HK1: variants seen among roughly 807,000 people sequenced by gnomAD.
HK1 encodes hexokinase 1, also known as hexokinase-1.
A neutral mutation model predicts 91.6 loss-of-function variants in HK1; 28 were observed. That is an observed-to-expected ratio of 0.31 (90% CI 0.23 to 0.42). The LOEUF is 0.42. Ranked by LOEUF, HK1 falls within the 10% of genes least tolerant of loss-of-function variation. The pLI is 1.00. For synonymous variants in HK1, 430 were observed against 468.1 expected, an observed-to-expected ratio of 0.92 and a Z score of 1.05; for missense variants, 770 against 1,219.8, an observed-to-expected ratio of 0.63 and a Z score of 5.49.
intron 4 of HK1, among the ~76,000 whole-genome samples, chr10:69,366,380 A>G (rs1753199965): frequency 6.6e-6 from 1 of 152,100 alleles, no homozygotes; most frequent in African/African-American, 2.4e-5. Flanking sequence ...CCTTTATGCC[A>G]TTAGGGTAAG....
intron 13 of HK1, among the ~76,000 whole-genome samples, chr10:69,388,198 G>T (rs1315163530): frequency 1.3e-5 from 2 of 152,098 alleles, no homozygotes; most frequent in Non-Finnish European, 2.9e-5. Context: ...GAGGAACTTT[G>T]GGAGGCCAAG....
intron 7 of HK1, among the ~76,000 whole-genome samples, chr10:69,376,340 G>T (rs1421403081): frequency 6.6e-6 from 1 of 152,012 alleles, no homozygotes; most frequent in Admixed American, 6.6e-5. Flanking sequence ...AGCATAAGGA[G>T]ACTCCCCCTC....
At chr10:69,398,104 C>A (rs1235773424) in intron 16 of HK1, among the ~76,000 whole-genome samples, 2 of 152,140 alleles carry the variant, frequency 1.3e-5, no homozygotes. Context: ...ATAAACAAAC[C>A]TTATCAAAAT....
Position 69,369,751 on chromosome 10 carries a change from T to G in HK1, c.875+127T>G, listed in dbSNP as rs1380918053. The G allele has an allele frequency of 1.0e-6, 1 of 969,642 alleles. No individual in the cohort carries two copies. Among genetic ancestry groups the G allele is most frequent in the Non-Finnish European group, 1.6e-6 (1 of 622,634 alleles). 60.1% of individuals were successfully genotyped at this position (969,642 alleles called of 1,614,324 possible). ...CAAACAGAAAAGCCTGTCACATTTT[T>G]TTTTTGAGGCGGAGTCTTGCTCTGT... On this transcript the variant is annotated intron_variant, in intron 7 of 17. Transcript: ENST00000359426. The surrounding 1 kb of genome is among the most constrained non-coding windows in gnomAD (Gnocchi z 4.4).
intron 1 of HK1, among the ~76,000 whole-genome samples, chr10:69,321,630 C>T (rs112657903): frequency 0.022 from 3,367 of 152,358 alleles, 60 homozygotes; most frequent in Non-Finnish European, 0.035. Context: ...AGAAGGGAAG[C>T]TGGGGACCAT....
intron 4 of HK1, among the ~76,000 whole-genome samples, chr10:69,365,606 A>G (rs1402686174): frequency 2.0e-5 from 3 of 152,140 alleles, no homozygotes; most frequent in Admixed American, 6.6e-5. Context: ...GGTTGGGTGC[A>G]GTGGTTCATG....
At chr10:69,291,340 T>G (rs1342576220) in intron 3 of HK1, among the ~76,000 whole-genome samples, 2 of 152,200 alleles carry the variant, frequency 1.3e-5, no homozygotes, top group Non-Finnish European at 2.9e-5. Flanking sequence ...CAGATGGAAA[T>G]CCAGCAGCTG....
intron 1 of HK1, among the ~76,000 whole-genome samples, chr10:69,342,020 C>G (rs536524475): frequency 6.6e-6 from 1 of 151,976 alleles, no homozygotes; most frequent in Non-Finnish European, 1.5e-5. Context: ...TGGTGGCGCA[C>G]GCCTGTAATC....
intron 4 of HK1, among the ~76,000 whole-genome samples, chr10:69,366,363 CT>C (rs945673239): frequency 6.6e-5 from 10 of 152,310 alleles, no homozygotes; most frequent in African/African-American, 2.4e-4. Context: ...GGGAGCACCC[CT>C]GGGTCCCTTT....
At chr10:69,321,500 G>T (rs180968746) in intron 1 of HK1, among the ~76,000 whole-genome samples, 1 of 152,324 alleles carries the variant, frequency 6.6e-6, no homozygotes, top group East Asian at 1.9e-4. Context: ...TTCCCCCCCA[G>T]CGTGGGCAGC....
At chr10:69,322,470 C>A (rs1233199432) in intron 1 of HK1, among the ~76,000 whole-genome samples, 2 of 152,202 alleles carry the variant, frequency 1.3e-5, no homozygotes, top group East Asian at 3.8e-4. Flanking sequence ...AATGGCCGAA[C>A]TCAGGAGTCC....
chr10:69,392,584 C>T (rs1005413336), intron 15 of HK1, among the ~76,000 whole-genome samples: 2 of 152,126 alleles, frequency 1.3e-5, no homozygotes, highest in African/African-American at 4.8e-5. Context: ...CCTTCCGGTC[C>T]CCTTGCTGTG....
At chr10:69,326,567 G>C (rs920757833) in intron 1 of HK1, among the ~76,000 whole-genome samples, 2 of 152,170 alleles carry the variant, frequency 1.3e-5, no homozygotes, top group African/African-American at 4.8e-5. Context: ...ACCTGTCCTT[G>C]TTGATTTTAA....
At chr10:69,393,344 C>T (rs557337082) in intron 15 of HK1, among the ~76,000 whole-genome samples, 41 of 146,896 alleles carry the variant, frequency 2.8e-4, no homozygotes, top group Admixed American at 9.8e-4. Context: ...ACCCTGTTGT[C>T]CAGGCTAGAG....
upstream of HK1, among the ~76,000 whole-genome samples, chr10:69,315,081 C>A (rs528149013): frequency 2.0e-5 from 3 of 152,356 alleles, no homozygotes; most frequent in African/African-American, 7.2e-5. Flanking sequence ...CCAAAACACC[C>A]AAGCTCTATA....
In HK1 at chr10:69,318,870, C is replaced by G. The variant is rs1003002333; in HGVS notation, c.-78C>G. On this transcript the variant is annotated 5_prime_UTR_variant, in exon 1 of 18. Transcript: ENST00000359426. ...AGGAGGAGGAGCCGCCGAGCAGCCG[C>G]CGGAGGACCACGGCTCGCCAGGGCT... 6.6e-7 allele frequency: 1 copy of G among 1,513,582 alleles called. No individual in the cohort carries two copies. The highest frequency in any genetic ancestry group is 2.1e-5 in the Admixed American group (1 of 47,084). 93.8% of individuals were successfully genotyped at this position (1,513,582 alleles called of 1,614,324 possible).
At chr10:69,281,072 G>A (rs1367562438) in intron 1 of HK1, among the ~76,000 whole-genome samples, 1 of 152,200 alleles carries the variant, frequency 6.6e-6, no homozygotes, top group East Asian at 1.9e-4. Flanking sequence ...GAGGACATGA[G>A]AGAGTGAGAG....
At chr10:69,288,875 C>A in intron 3 of HK1, 1 of 948,722 alleles carries the variant, frequency 1.1e-6, no homozygotes, top group Non-Finnish European at 1.7e-6. Flanking sequence ...TAACCTCTGC[C>A]TCCCGGGTTC....
chr10:69,360,828 G>A (rs890866745), intron 3 of HK1, among the ~76,000 whole-genome samples: 24 of 152,186 alleles, frequency 1.6e-4, no homozygotes, highest in African/African-American at 5.5e-4. Context: ...TAAGCCCGTC[G>A]TGGGGCAAGG....
Sources: allele counts gnomAD v4.1 joint callset (sites outside exome capture counted in the v4.1 genomes callset), GRCh38; gene constraint gnomAD v4.1.1; non-coding constraint Gnocchi (gnomAD v3.1); transcripts MANE v1.5; gene names NCBI Gene and HGNC (gene_info 2026-07-23, HGNC 2026-07-21).